MBD5: variants seen among roughly 807,000 people sequenced by gnomAD.
The protein encoded by MBD5 is methyl-CpG-binding domain protein 5.
Under a neutral mutation model 117.3 loss-of-function variants are expected in MBD5, and 13 were observed. The observed-to-expected ratio is 0.11, with a 90% confidence interval of 0.07 to 0.18. MBD5 has a LOEUF of 0.18. Ranked by LOEUF, MBD5 falls within the 10% of genes least tolerant of loss-of-function variation. MBD5 has a pLI of 1.00. For synonymous variants in MBD5, 727 were observed against 766.4 expected (o/e 0.95, Z 0.85); for missense variants, 1,879 against 2,093.8 (o/e 0.90, Z 2.00).
intron 1 of MBD5, among the ~76,000 whole-genome samples, chr2:148,060,132 CAAAAA>C (rs35925701): frequency 7.1e-4 from 10 of 14,044 alleles, no homozygotes; most frequent in African/African-American, 2.8e-3. Flanking sequence ...ACAAAAAGTG[CAAAAA>C]AAAAAAAAAA....
chr2:148,294,226 TTTTTTTTTTTTTTTTTG>T (rs1701576897), intron 3 of MBD5, among the ~76,000 whole-genome samples: 4 of 131,864 alleles, frequency 3.0e-5, no homozygotes, highest in African/African-American at 1.1e-4. Flanking sequence ...TTTTTTTTTT[TTTTTTTTTTTTTTTTTG>T]AGACAGAGTC....
chr2:148,326,031 TTG>T (rs1702439891), intron 3 of MBD5, among the ~76,000 whole-genome samples: 1 of 152,206 alleles, frequency 6.6e-6, no homozygotes, highest in Admixed American at 6.5e-5. Flanking sequence ...TTCTGGTATG[TTG>T]TGTCTTTGTT....
chr2:148,061,409 A>T (rs968460140), intron 1 of MBD5, among the ~76,000 whole-genome samples: 3 of 151,996 alleles, frequency 2.0e-5, no homozygotes, highest in African/African-American at 7.2e-5. Flanking sequence ...TCTTTCCTCT[A>T]CCCTTCCCCC....
chr2:148,095,462 C>T (rs980810183), intron 1 of MBD5, among the ~76,000 whole-genome samples: 2 of 152,080 alleles, frequency 1.3e-5, no homozygotes, highest in Non-Finnish European at 2.9e-5. Context: ...CACATGCAAT[C>T]TGTATGTAAG....
intron 11 of MBD5, among the ~76,000 whole-genome samples, chr2:148,495,625 A>T (rs1389818317): frequency 6.6e-6 from 1 of 152,236 alleles, no homozygotes; most frequent in African/African-American, 2.4e-5. Context: ...TACCAAAAAA[A>T]GGTCTACATC....
intron 3 of MBD5, among the ~76,000 whole-genome samples, chr2:148,252,136 C>G (rs1700480045): frequency 6.6e-6 from 1 of 152,038 alleles, no homozygotes; most frequent in African/African-American, 2.4e-5. Flanking sequence ...AGAACAAAGG[C>G]TTTTGCTGTC....
chr2:148,160,658 G>T (rs79678468), intron 1 of MBD5, among the ~76,000 whole-genome samples: 2 of 152,258 alleles, frequency 1.3e-5, no homozygotes, highest in East Asian at 3.9e-4. Flanking sequence ...CTTTGAGAAG[G>T]ATAAGCAGAA....
rs569026045 is a variant in MBD5 at position 148,248,464 on chromosome 2, A to G, written c.-680+15069A>G. ...AGAAGCAAACATAAATTCTCATTGA[A>G]GAAATCTACCTTCAATATAGGACCC... On this transcript the variant is annotated intron_variant, in intron 3 of 13. Coordinates refer to ENST00000642680, the MANE Select transcript of MBD5 (RefSeq NM_001378120.1). Among the ~76,000 whole-genome samples the G allele has an allele frequency of 1.6e-3, 248 of 152,296 alleles. 1 individual carries two copies. Among genetic ancestry groups the G allele is most frequent in the Non-Finnish European group, 3.1e-3 (214 of 67,994 alleles).
At chr2:148,407,689 A>G (rs1439126046) in intron 4 of MBD5, among the ~76,000 whole-genome samples, 3 of 151,692 alleles carry the variant, frequency 2.0e-5, no homozygotes, top group African/African-American at 7.3e-5. Context: ...TATAGATTTA[A>G]TTGTTCATTA....
At chr2:148,200,410 G>A (rs1224759470) in intron 2 of MBD5, among the ~76,000 whole-genome samples, 1 of 152,098 alleles carries the variant, frequency 6.6e-6, no homozygotes, top group Non-Finnish European at 1.5e-5. Flanking sequence ...TGTGATCTGG[G>A]GCTGGGCGCG....
chr2:148,058,099 A>G (rs1197565750), intron 1 of MBD5, among the ~76,000 whole-genome samples: 1 of 152,104 alleles, frequency 6.6e-6, no homozygotes, highest in Non-Finnish European at 1.5e-5. Flanking sequence ...CTGTTTTTCA[A>G]AATTTCTCAC....
chr2:148,114,459 G>C (rs894744927), intron 1 of MBD5, among the ~76,000 whole-genome samples: 3 of 151,992 alleles, frequency 2.0e-5, no homozygotes, highest in African/African-American at 7.3e-5. Context: ...AATAGAGTGA[G>C]AGTCCATCTC....
At chr2:148,489,317 A>T in intron 10 of MBD5, 69 bp from the exon 11 acceptor site, 1 of 1,578,026 alleles carries the variant, frequency 6.3e-7, no homozygotes, top group Non-Finnish European at 8.7e-7. Flanking sequence ...TTTTAAAATT[A>T]TAGTCTTTCT....
chr2:148,361,138 G>C (rs1284740604), intron 4 of MBD5, among the ~76,000 whole-genome samples: 1 of 152,072 alleles, frequency 6.6e-6, no homozygotes, highest in Admixed American at 6.6e-5. Flanking sequence ...ACAAGGTCAG[G>C]GGTTCAAAAC....
chr2:148,477,283 G>A lies in MBD5; in HGVS notation c.2519-5827G>A, dbSNP rs540242016. Among the ~76,000 whole-genome samples, 5 of 152,222 alleles carry A rather than the reference G, an allele frequency of 3.3e-5. No individual in the cohort carries two copies. In the East Asian group the frequency reaches 9.7e-4, roughly 29 times the overall value. On this transcript the variant is annotated intron_variant, in intron 8 of 13. Transcript: ENST00000642680. ...TTCTCCTCCCCATCCTCTTGGCCCT[G>A]TTGAGTGTGGAGAGCATTTCCTCAG... is the stretch of plus-strand genomic sequence containing the variant.
chr2:148,381,639 T>G (rs540865666), intron 4 of MBD5, among the ~76,000 whole-genome samples: 1 of 152,042 alleles, frequency 6.6e-6, no homozygotes, highest in South Asian at 2.1e-4. Flanking sequence ...GAAGAGCAAC[T>G]CCAAGACACA....
chr2:148,479,724 T>TG (rs559761270), intron 8 of MBD5, among the ~76,000 whole-genome samples: 196 of 151,406 alleles, frequency 1.3e-3, no homozygotes, highest in Admixed American at 3.0e-3. Context: ...TTTGTTGTTT[T>TG]TTTTTTTTTT....
intron 4 of MBD5, among the ~76,000 whole-genome samples, chr2:148,383,917 A>G (rs1176205567): frequency 1.3e-5 from 2 of 152,226 alleles, no homozygotes; most frequent in Non-Finnish European, 2.9e-5. Flanking sequence ...ACACCCCTTC[A>G]TGCTAAAAAC....
At chr2:148,189,361 A>G (rs539561388) in intron 2 of MBD5, among the ~76,000 whole-genome samples, 6 of 151,446 alleles carry the variant, frequency 4.0e-5, no homozygotes, top group Non-Finnish European at 7.4e-5. Context: ...TCCCTGTCTG[A>G]CAGCTTTGAA....
Sources: gnomAD v4.1 joint callset for allele counts (sites outside exome capture counted in the v4.1 genomes callset) on GRCh38, gnomAD v4.1.1 for gene constraint, MANE v1.5 for transcripts, NCBI Gene and HGNC (gene_info 2026-07-23, HGNC 2026-07-21) for gene names.